Variants in TMEM230 observed in about 807,000 individuals in gnomAD.
TMEM230 encodes UPF0414 transmembrane protein C20orf30.
TMEM230 carries 10 observed loss-of-function variants against 15.8 expected under a neutral mutation model. The observed-to-expected ratio is 0.63, with a 90% CI of 0.39 to 1.07. The LOEUF (loss-of-function observed/expected upper bound fraction) is 1.07, where lower values mean the gene tolerates loss of function less well. Ranked by LOEUF, TMEM230 falls within the 50% of genes least tolerant of loss-of-function variation. TMEM230 has a pLI of 0.01. For missense variants in TMEM230, 165 were observed against 193.3 expected, an observed-to-expected ratio of 0.85 and a Z score of 0.87; for synonymous variants, 67 against 76.9, an observed-to-expected ratio of 0.87 and a Z score of 0.68.
At chr20:5,069,294 G>A in exon 4 of TMEM230, 3 of 1,536,018 alleles carry the variant, frequency 2.0e-6, no homozygotes, top group South Asian at 1.2e-5. Flanking sequence ...CCCACGGGAT[G>A]CTGGTAGATG....
intron 4 of TMEM230, among the ~76,000 whole-genome samples, chr20:5,101,785 C>T (rs1424423479): frequency 2.0e-5 from 3 of 152,182 alleles, no homozygotes; most frequent in African/African-American, 7.2e-5. Context: ...ACAACTTGGA[C>T]ACTGTGTATG....
chr20:5,083,010 C>T (rs900496854), intron 3 of TMEM230, among the ~76,000 whole-genome samples: 2 of 150,982 alleles, frequency 1.3e-5, no homozygotes, highest in Non-Finnish European at 2.9e-5. Flanking sequence ...TCATTGCAAC[C>T]TCCACCTCCC....
Position 5,100,158 on chromosome 20 carries a change from T to C in TMEM230, c.*633A>G, listed in dbSNP as rs1013359520. ...AAGGGACAAAATGATGCAAATTATA[T>C]GCTGTCCAACCTACTGGTGAACTGG... is the stretch of plus-strand genomic sequence containing the variant. On this transcript the variant is annotated 3_prime_UTR_variant, in exon 5 of 5. Coordinates refer to ENST00000342308, the MANE Select transcript of TMEM230 (RefSeq NM_001009923.2). The C allele has an allele frequency of 1.0e-6, 1 of 985,332 alleles. No homozygotes were observed. The highest frequency in any genetic ancestry group is 1.7e-5 in the African/African-American group (1 of 57,256). The allele number at this position is 985,332 out of a possible 1,614,324, so 61.0% of individuals were successfully genotyped here.
At position 5,111,497 on chromosome 20, in the gene TMEM230, T is replaced by C; in HGVS notation, c.174+3A>G. On this transcript the variant is annotated splice_donor_region_variant and intron_variant, in intron 2 of 4. Coordinates refer to ENST00000342308, the MANE Select transcript of TMEM230 (RefSeq NM_001009923.2). ...GGTGGTGGGTGCCTGTAGTCCCACC[T>C]ACTCGGGAGGCTGAAGCAGAAGAAT... 1 of 195,322 alleles carries C rather than the reference T, an allele frequency of 5.1e-6. No homozygotes were observed. Among genetic ancestry groups the C allele is most frequent in the Non-Finnish European group, 1.1e-5 (1 of 88,822 alleles). 12.1% of individuals were successfully genotyped at this position (195,322 alleles called of 1,614,324 possible).
downstream of TMEM230, among the ~76,000 whole-genome samples, chr20:5,098,054 C>T (rs540233287): frequency 4.7e-5 from 7 of 147,816 alleles, no homozygotes; most frequent in African/African-American, 1.5e-4. Context: ...CTTGGCTCAC[C>T]GCAACCTTAG....
At chr20:5,093,518 G>A (rs904065998) in intron 3 of TMEM230, among the ~76,000 whole-genome samples, 2 of 151,456 alleles carry the variant, frequency 1.3e-5, no homozygotes, top group African/African-American at 4.9e-5. Flanking sequence ...TGGGGTTACA[G>A]GCATGAGCCA....
At chr20:5,087,468 G>C (rs1052128456) in intron 3 of TMEM230, among the ~76,000 whole-genome samples, 4 of 151,788 alleles carry the variant, frequency 2.6e-5, no homozygotes, top group African/African-American at 9.7e-5. Context: ...AGCTAAGGTA[G>C]GGGATGGGAG....
exon 4 of TMEM230, chr20:5,069,315 G>A (rs1300208744): frequency 3.9e-6 from 6 of 1,535,766 alleles, no homozygotes; most frequent in Non-Finnish European, 4.4e-6. Context: ...TTTGTGGTCA[G>A]CTTTCTTTTG....
chr20:5,068,394 G>A (rs1301546195), downstream of TMEM230: 1 of 152,234 alleles, frequency 6.6e-6, no homozygotes, highest in African/African-American at 2.4e-5. Flanking sequence ...AAGAAAAGAA[G>A]TTTAATTGAC....
rs532400034 is a variant in TMEM230, at chr20:5,079,766, C to T, written c.223-10417G>A. On this transcript the variant is annotated intron_variant, in intron 3 of 3. Coordinates refer to the TMEM230 transcript ENST00000612323. The stretch of plus-strand genomic sequence containing the variant: ...AAGCCTTATTTTCTCTCTCTCCTTT[C>T]TTTTTTGAGACAGGGTCTTGCTCTG... Among the ~76,000 whole-genome samples, 218 of 151,914 alleles carry T rather than the reference C, an allele frequency of 1.4e-3. 1 individual carries two copies. Among genetic ancestry groups the T allele is most frequent in the South Asian group, 1.0e-3 (5 of 4,804 alleles).
chr20:5,095,361 C>T (rs961639713), downstream of TMEM230, among the ~76,000 whole-genome samples: 1 of 152,152 alleles, frequency 6.6e-6, no homozygotes, highest in Non-Finnish European at 1.5e-5. Flanking sequence ...CACATCGTCC[C>T]CTTCCCTGAG....
chr20:5,064,092 C>A (rs2088630316), downstream of TMEM230, among the ~76,000 whole-genome samples: 1 of 151,782 alleles, frequency 6.6e-6, no homozygotes, highest in Non-Finnish European at 1.5e-5. Flanking sequence ...TATGGTGAAA[C>A]CCTGTCTCTA....
At chr20:5,069,844 G>T (rs1384114213) in intron 3 of TMEM230, among the ~76,000 whole-genome samples, 1 of 152,076 alleles carries the variant, frequency 6.6e-6, no homozygotes, top group East Asian at 1.9e-4. Context: ...CAGGTGGCTG[G>T]GATTACATGC....
downstream of TMEM230, chr20:5,066,285 G>C (rs1176430887): frequency 6.6e-6 from 1 of 152,190 alleles, no homozygotes; most frequent in Non-Finnish European, 1.5e-5. Context: ...TCTAATGTTG[G>C]ACATGAAGGG....
chr20:5,106,393 A>T, intron 3 of TMEM230, 83 bp from the exon 3 acceptor site: 1 of 1,461,218 alleles, frequency 6.8e-7, no homozygotes, highest in South Asian at 1.4e-5. Flanking sequence ...AATTATTTGT[A>T]ATTTTTATGT....
chr20:5,065,567 TGCAGGAAGCCAGGGG>T (rs766683905), downstream of TMEM230, among the ~76,000 whole-genome samples: 58 of 152,204 alleles, frequency 3.8e-4, 1 homozygote, highest in Non-Finnish European at 1.8e-4. Context: ...TTTCCTGGCT[TGCAGGAAGCCAGGGG>T]GCCAGAGCAG....
Position 5,100,687 on chromosome 20 carries a change from A to G in TMEM230, c.*104T>C. 6.6e-7 allele frequency: 1 copy of G among 1,507,290 alleles called. No individual in the cohort carries two copies. The highest frequency in any genetic ancestry group is 1.3e-5 in the South Asian group (1 of 74,654). 93.4% of individuals were successfully genotyped at this position (1,507,290 alleles called of 1,614,324 possible). On this transcript the variant is annotated 3_prime_UTR_variant, in exon 5 of 5. Coordinates refer to ENST00000342308, the MANE Select transcript of TMEM230 (RefSeq NM_001009923.2). ...AAATCTGGCCATTATTTTCTTAAAC[A>G]TCTGCAAGCTGCAGAATTCCTTAGT...
chr20:5,067,410 C>CTTATATATAT (rs2088678317), downstream of TMEM230: 1 of 102,314 alleles, frequency 9.8e-6, no homozygotes, highest in African/African-American at 3.6e-5. Flanking sequence ...TGTTTAGGCT[C>CTTATATATAT]ATATATATAT....
chr20:5,101,932 C>G (rs2089885201), intron 4 of TMEM230, among the ~76,000 whole-genome samples: 1 of 152,242 alleles, frequency 6.6e-6, no homozygotes, highest in Non-Finnish European at 1.5e-5. Context: ...ACACATATAA[C>G]AGAATTGCTA....
Sources: gnomAD v4.1 joint callset for allele counts (sites outside exome capture counted in the v4.1 genomes callset) on GRCh38, gnomAD v4.1.1 for gene constraint, MANE v1.5 for transcripts, NCBI Gene and HGNC (gene_info 2026-07-23, HGNC 2026-07-21) for gene names.